NKAIN3: variants seen among roughly 807,000 people sequenced by gnomAD.
The protein encoded by NKAIN3 is sodium/potassium-transporting ATPase subunit beta-1-interacting protein 3.
Under a neutral mutation model 30.2 loss-of-function variants are expected in NKAIN3, and 25 were observed. The ratio of observed to expected loss-of-function variants is 0.83; its 90% CI spans 0.60 to 1.16. The LOEUF is 1.16. Among genes scored for constraint, NKAIN3 ranks in the 50% most tolerant of loss-of-function variants. The pLI is 0.00. For missense variants in NKAIN3, 225 were observed against 254.1 expected (o/e 0.89, Z 0.78); for synonymous variants, 91 against 89.6 (o/e 1.02, Z -0.09).
intron 1 of NKAIN3, among the ~76,000 whole-genome samples, chr8:62,415,163 T>G (rs1215795005): frequency 7.1e-6 from 1 of 141,712 alleles, no homozygotes; most frequent in African/African-American, 2.6e-5. Flanking sequence ...CTATAGTATA[T>G]TATATAATAT....
At chr8:62,555,362 G>A (rs1444943112) in intron 1 of NKAIN3, among the ~76,000 whole-genome samples, 1 of 151,836 alleles carries the variant, frequency 6.6e-6, no homozygotes, top group Non-Finnish European at 1.5e-5. Flanking sequence ...GTTTTGAAAT[G>A]AAGAAGGAGT....
chr8:62,681,092 A>T (rs774967224), intron 3 of NKAIN3, among the ~76,000 whole-genome samples: 1 of 152,144 alleles, frequency 6.6e-6, no homozygotes, highest in Non-Finnish European at 1.5e-5. Context: ...ATGCCATACC[A>T]CACCTGAATC....
At chr8:62,813,745 T>C (rs1431403495) in intron 4 of NKAIN3, among the ~76,000 whole-genome samples, 4 of 152,006 alleles carry the variant, frequency 2.6e-5, no homozygotes, top group African/African-American at 9.7e-5. Flanking sequence ...TCTCTACCAG[T>C]AAACTTCATA....
chr8:62,400,897 C>T (rs567446205), intron 1 of NKAIN3, among the ~76,000 whole-genome samples: 1 of 152,218 alleles, frequency 6.6e-6, no homozygotes, highest in East Asian at 1.9e-4. Context: ...TTCAGATAGA[C>T]TTACTTAGGA....
intron 1 of NKAIN3, among the ~76,000 whole-genome samples, chr8:62,327,786 A>G (rs1245584562): frequency 5.3e-5 from 8 of 152,020 alleles, no homozygotes; most frequent in Admixed American, 5.3e-4. Context: ...CTGAGATTCC[A>G]TATGAATTTT....
intron 1 of NKAIN3, among the ~76,000 whole-genome samples, chr8:62,531,678 G>A (rs984804603): frequency 2.0e-5 from 3 of 152,194 alleles, no homozygotes; most frequent in Admixed American, 2.0e-4. Flanking sequence ...CATTTTTTCT[G>A]ACTAAAACCA....
chr8:62,261,796 A>G (rs574075620), intron 1 of NKAIN3, among the ~76,000 whole-genome samples: 5 of 152,364 alleles, frequency 3.3e-5, no homozygotes, highest in Admixed American at 2.6e-4. Context: ...CATTGTTACA[A>G]TGCGGAACAA....
intron 6 of NKAIN3, among the ~76,000 whole-genome samples, chr8:62,958,951 A>T (rs1399638564): frequency 2.0e-5 from 3 of 152,338 alleles, no homozygotes; most frequent in East Asian, 1.9e-4. Context: ...CTATGACTGC[A>T]GTTAAGAAAG....
intron 1 of NKAIN3, among the ~76,000 whole-genome samples, chr8:62,453,235 G>A (rs1161911158): frequency 6.6e-6 from 1 of 151,938 alleles, no homozygotes; most frequent in African/African-American, 2.4e-5. Flanking sequence ...AATTCAATCT[G>A]AATATAAAAT....
At chr8:62,313,497 A>G (rs1814513686) in intron 1 of NKAIN3, among the ~76,000 whole-genome samples, 1 of 152,170 alleles carries the variant, frequency 6.6e-6, no homozygotes, top group Non-Finnish European at 1.5e-5. Flanking sequence ...AAACTTCACT[A>G]GGATGTAAGT....
intron 3 of NKAIN3, among the ~76,000 whole-genome samples, chr8:62,612,518 G>A (rs1811327898): frequency 6.9e-6 from 1 of 144,576 alleles, no homozygotes; most frequent in Admixed American, 6.9e-5. Context: ...TTTCTTGTAG[G>A]CAACAGATCA....
At chr8:62,501,692 A>G (rs1236808895) in intron 1 of NKAIN3, among the ~76,000 whole-genome samples, 1 of 152,138 alleles carries the variant, frequency 6.6e-6, no homozygotes, top group East Asian at 1.9e-4. Flanking sequence ...TATTCTTCCT[A>G]TGGTACCCTA....
At chr8:62,660,013 T>C (rs758666168) in intron 3 of NKAIN3, among the ~76,000 whole-genome samples, 11 of 152,194 alleles carry the variant, frequency 7.2e-5, no homozygotes, top group Non-Finnish European at 1.2e-4. Flanking sequence ...TATTGCCCAG[T>C]CTCAGGTATA....
At chr8:62,996,395 C>T (rs956493217) in intron 5 of NKAIN3, among the ~76,000 whole-genome samples, 5 of 152,026 alleles carry the variant, frequency 3.3e-5, no homozygotes, top group African/African-American at 4.8e-5. Context: ...CACCTCCCAT[C>T]GGGTCCCTCC....
intron 4 of NKAIN3, among the ~76,000 whole-genome samples, chr8:62,824,946 T>C (rs889682422): frequency 6.6e-6 from 1 of 152,152 alleles, no homozygotes; most frequent in Non-Finnish European, 1.5e-5. Context: ...AAGATTGTCA[T>C]ATCACAGAAT....
chr8:62,937,118 C>T (rs2130878227), intron 5 of NKAIN3, among the ~76,000 whole-genome samples: 1 of 152,056 alleles, frequency 6.6e-6, no homozygotes, highest in South Asian at 2.1e-4. Flanking sequence ...TGACCAAAAA[C>T]CCTTCACATA....
At chr8:62,588,527 G>C (rs1429295226) in intron 2 of NKAIN3, among the ~76,000 whole-genome samples, 1 of 151,662 alleles carries the variant, frequency 6.6e-6, no homozygotes, top group Non-Finnish European at 1.5e-5. Flanking sequence ...ATTCATAAAT[G>C]ACAGAATACA....
chr8:62,357,470 C>T (rs13256071), intron 1 of NKAIN3, among the ~76,000 whole-genome samples: 16,874 of 152,060 alleles, frequency 0.11, 1,024 homozygotes, highest in Middle Eastern at 0.22. Flanking sequence ...TCTGTGTAAT[C>T]GAAATTTTTA....
chr8:62,867,288 T>C (rs1490964231), intron 4 of NKAIN3, among the ~76,000 whole-genome samples: 1 of 152,146 alleles, frequency 6.6e-6, no homozygotes, highest in Non-Finnish European at 1.5e-5. Context: ...TCTTCTCATG[T>C]CTCAATTTCT....
Sources: gnomAD v4.1 joint callset for allele counts (sites outside exome capture counted in the v4.1 genomes callset) on GRCh38, gnomAD v4.1.1 for gene constraint, MANE v1.5 for transcripts, NCBI Gene and HGNC (gene_info 2026-07-23, HGNC 2026-07-21) for gene names.